Variants in CHIC1 observed in about 807,000 individuals in gnomAD.
The protein encoded by CHIC1 is cysteine rich hydrophobic domain 1, also known as cysteine-rich hydrophobic domain-containing protein 1.
A neutral mutation model predicts 18.5 loss-of-function variants in CHIC1; 7 were observed. That is an observed-to-expected ratio of 0.38 (90% CI 0.22 to 0.71). The LOEUF (loss-of-function observed/expected upper bound fraction) is 0.71, where lower values mean the gene tolerates loss of function less well. Ranked by LOEUF, CHIC1 falls within the 30% of genes least tolerant of loss-of-function variation. The pLI, the probability that CHIC1 is intolerant of heterozygous loss-of-function variation, is 0.49. For missense variants in CHIC1, 159 were observed against 176.9 expected (o/e 0.90, Z 0.57); for synonymous variants, 77 against 73.5 (o/e 1.05, Z -0.25).
intron 3 of CHIC1, among the ~76,000 whole-genome samples, chrX:73,643,294 C>T (rs2057868537): frequency 1.8e-5 from 2 of 109,307 alleles, no homozygotes; most frequent in Non-Finnish European, 3.8e-5. Context: ...TCTGGCTGCC[C>T]TTAACATTTT....
At chrX:73,670,659 T>G (rs1261576685) in intron 3 of CHIC1, among the ~76,000 whole-genome samples, 3 of 111,528 alleles carry the variant, frequency 2.7e-5, no homozygotes, top group Admixed American at 9.5e-5. Flanking sequence ...TAGGCATTTA[T>G]TGCTATAAAC....
intron 3 of CHIC1, among the ~76,000 whole-genome samples, chrX:73,585,755 G>A (rs189152392): frequency 1.5e-3 from 169 of 110,562 alleles, no homozygotes; most frequent in African/African-American, 5.1e-3. Flanking sequence ...TTTTTCTGAT[G>A]ACCTGTTTAC....
intron 5 of CHIC1, among the ~76,000 whole-genome samples, chrX:73,680,621 C>T (rs759736445): frequency 1.8e-5 from 2 of 110,566 alleles, no homozygotes; most frequent in African/African-American, 3.3e-5. Context: ...CTCTACTTTG[C>T]TAACAAAGAG....
chrX:73,681,190 G>T lies in CHIC1; in HGVS notation c.*185G>T. The T allele has an allele frequency of 5.1e-6, 2 of 388,815 alleles. No individual in the cohort carries two copies. Among genetic ancestry groups the T allele is most frequent in the Non-Finnish European group, 8.8e-6 (2 of 226,367 alleles). The allele number at this position is 388,815 out of a possible 1,213,427, so 32.0% of individuals were successfully genotyped here. On this transcript the variant is annotated 3_prime_UTR_variant, in exon 6 of 6. Coordinates refer to ENST00000373502, the MANE Select transcript of CHIC1 (RefSeq NM_001039840.4). Reference sequence around the variant, plus strand: ...CACATCTTTTTTGTCTTTCAATGAGGCTTGTGTTTTGCACTCTCAATTTTA... The same window carrying T: ...CACATCTTTTTTGTCTTTCAATGAGTCTTGTGTTTTGCACTCTCAATTTTA...
At chrX:73,600,545 G>T (rs1438228018) in intron 3 of CHIC1, among the ~76,000 whole-genome samples, 6 of 106,043 alleles carry the variant, frequency 5.7e-5, no homozygotes, top group Non-Finnish European at 9.5e-5. Flanking sequence ...TAGCATGAAG[G>T]GTTGTTGAAT....
In CHIC1 at chrX:73,618,563, G is replaced by T. The variant is rs186317950; in HGVS notation, c.507+33991G>T. On this transcript the variant is annotated intron_variant, in intron 3 of 5. Coordinates refer to ENST00000373502, the MANE Select transcript of CHIC1 (RefSeq NM_001039840.4). ...TTGTCAGGGAACTGGGGGAAAGAGA[G>T]CCATTACAGGCTTCATCCAGCTCCC... 8.0e-3 allele frequency among the ~76,000 whole-genome samples: 887 copies of T among 111,371 alleles called. 16 individuals carry two copies. The highest frequency in any genetic ancestry group is 0.028 in the African/African-American group (842 of 30,535).
intron 3 of CHIC1, among the ~76,000 whole-genome samples, chrX:73,671,698 T>C (rs1319637987): frequency 9.0e-6 from 1 of 111,161 alleles, no homozygotes; most frequent in Non-Finnish European, 1.9e-5. Flanking sequence ...TTGTTTGTTA[T>C]CTTATATCTC....
intron 3 of CHIC1, among the ~76,000 whole-genome samples, chrX:73,676,660 C>G (rs1386710889): frequency 1.8e-5 from 2 of 111,296 alleles, no homozygotes; most frequent in African/African-American, 6.6e-5. Context: ...CTTTTAACTT[C>G]TTTGCCATTG....
chrX:73,595,321 C>G (rs2057602142), intron 3 of CHIC1, among the ~76,000 whole-genome samples: 1 of 110,875 alleles, frequency 9.0e-6, no homozygotes, highest in African/African-American at 3.3e-5. Flanking sequence ...TATCCTTCCC[C>G]TTTACCCCCA....
chrX:73,683,873 G>A lies in CHIC1; in HGVS notation c.*2868G>A, dbSNP rs1361087387. 1 of 111,640 alleles carries A rather than the reference G, an allele frequency of 9.0e-6. No individual in the cohort carries two copies. Among genetic ancestry groups the A allele is most frequent in the African/African-American group, 3.2e-5 (1 of 30,785 alleles). 9.2% of individuals were successfully genotyped at this position (111,640 alleles called of 1,213,427 possible). ...CTAATATGGGCAAGTGTTATTTACA[G>A]ATTTATTAACTCCATCCCAGATATG... is the stretch of plus-strand genomic sequence containing the variant. On this transcript the variant is annotated 3_prime_UTR_variant, in exon 6 of 6. Coordinates refer to ENST00000373502, the MANE Select transcript of CHIC1 (RefSeq NM_001039840.4).
chrX:73,581,502 CGTT>C (rs1440240410), intron 2 of CHIC1, among the ~76,000 whole-genome samples: 3 of 110,745 alleles, frequency 2.7e-5, no homozygotes, highest in Non-Finnish European at 5.7e-5. Flanking sequence ...ATTTCTTTCA[CGTT>C]GTTTAAAATT....
intron 3 of CHIC1, among the ~76,000 whole-genome samples, chrX:73,585,502 A>G (rs796443537): frequency 9.0e-6 from 1 of 111,151 alleles, no homozygotes; most frequent in South Asian, 3.7e-4. Flanking sequence ...CAGAGCAGGT[A>G]CAGTATTCTC....
Position 73,683,039 on chromosome X carries a change from T to C in CHIC1, c.*2034T>C, listed in dbSNP as rs41310677. 1.3e-4 allele frequency: 14 copies of C among 111,421 alleles called. No homozygotes were observed. Among genetic ancestry groups the C allele is most frequent in the Non-Finnish European group, 2.3e-4 (12 of 52,805 alleles). The allele number at this position is 111,421 out of a possible 1,213,427, so 9.2% of individuals were successfully genotyped here. A position where few individuals can be genotyped will look rare whatever the true frequency, so the allele number is the denominator to read the frequency against. The stretch of plus-strand genomic sequence containing the variant: ...TTTTTTCTATAACCTTAGAATTTGA[T>C]CATATGATGGTCATAGGAACTTTTT... On this transcript the variant is annotated 3_prime_UTR_variant, in exon 6 of 6. Coordinates refer to ENST00000373502, the MANE Select transcript of CHIC1 (RefSeq NM_001039840.4).
intron 3 of CHIC1, among the ~76,000 whole-genome samples, chrX:73,633,608 T>C: frequency 8.9e-6 from 1 of 111,911 alleles, no homozygotes; most frequent in Non-Finnish European, 1.9e-5. Flanking sequence ...CATCATTATT[T>C]ATTTAAATAA....
intron 3 of CHIC1, among the ~76,000 whole-genome samples, chrX:73,624,883 A>G (rs2057776612): frequency 8.9e-6 from 1 of 112,392 alleles, no homozygotes; most frequent in Non-Finnish European, 1.9e-5. Flanking sequence ...GACTAGCCTC[A>G]CAAATTGTTT....
intron 3 of CHIC1, among the ~76,000 whole-genome samples, chrX:73,664,761 A>AT (rs1193137772): frequency 9.0e-6 from 1 of 111,232 alleles, no homozygotes; most frequent in Non-Finnish European, 1.9e-5. Context: ...TGTTCATCGA[A>AT]TGGGGACCCC....
intron 3 of CHIC1, among the ~76,000 whole-genome samples, chrX:73,599,740 A>G (rs1378345749): frequency 2.5e-4 from 27 of 107,056 alleles, no homozygotes; most frequent in South Asian, 2.4e-3. Flanking sequence ...CTGTAGCCTT[A>G]TAGTATAGTT....
intron 3 of CHIC1, among the ~76,000 whole-genome samples, chrX:73,675,666 G>A (rs1427289176): frequency 2.7e-5 from 3 of 111,680 alleles, no homozygotes; most frequent in African/African-American, 9.8e-5. Context: ...GCACACTGAC[G>A]AGTCTTGACT....
chrX:73,679,281 G>A, intron 3 of CHIC1, 45 bp from the exon 4 acceptor site: 1 of 851,941 alleles, frequency 1.2e-6, no homozygotes, highest in Admixed American at 2.4e-5. Context: ...AGTTTACAAA[G>A]CTCTTCAGGT....
Sources: allele counts gnomAD v4.1 joint callset (sites outside exome capture counted in the v4.1 genomes callset), GRCh38; gene constraint gnomAD v4.1.1; transcripts MANE v1.5; gene names NCBI Gene and HGNC (gene_info 2026-07-23, HGNC 2026-07-21).